Variants in RBFOX1 observed in about 807,000 individuals in gnomAD.
RBFOX1 encodes the protein RNA binding protein fox-1 homolog 1.
RBFOX1 carries 8 observed loss-of-function variants against 57.7 expected under a neutral mutation model. That is an observed-to-expected ratio of 0.14 (90% CI 0.08 to 0.25). The LOEUF (loss-of-function observed/expected upper bound fraction) is 0.25, where lower values mean the gene tolerates loss of function less well. Among genes scored for constraint, RBFOX1 ranks in the 10% least tolerant of loss-of-function variants. The probability of loss-of-function intolerance (pLI) is 1.00; values close to 1 mark genes in which losing one functional copy is unlikely to be tolerated. For missense variants in RBFOX1, 611 were observed against 548.5 expected, an observed-to-expected ratio of 1.11 and a Z score of -1.14; for synonymous variants, 326 against 222.4, an observed-to-expected ratio of 1.47 and a Z score of -4.15.
At chr16:5,663,727 G>A (rs934397920) in intron 3 of RBFOX1, among the ~76,000 whole-genome samples, 5 of 152,198 alleles carry the variant, frequency 3.3e-5, no homozygotes, top group African/African-American at 4.8e-5. Flanking sequence ...GCCAGTGAGC[G>A]TGGAAGCAAC....
At chr16:5,830,296 T>C (rs1052641367) in intron 3 of RBFOX1, among the ~76,000 whole-genome samples, 1 of 152,204 alleles carries the variant, frequency 6.6e-6, no homozygotes, top group Admixed American at 6.5e-5. Flanking sequence ...GGAATCATTT[T>C]AGCCCAGCAT....
At chr16:5,898,884 T>G (rs1207182887) in intron 4 of RBFOX1, among the ~76,000 whole-genome samples, 1 of 142,926 alleles carries the variant, frequency 7.0e-6, no homozygotes, top group African/African-American at 2.7e-5. Context: ...ACATAGTGAG[T>G]CTCCATCTCT....
chr16:7,392,654 A>G (rs909450644), intron 4 of RBFOX1, among the ~76,000 whole-genome samples: 3 of 152,182 alleles, frequency 2.0e-5, no homozygotes, highest in African/African-American at 7.2e-5. Flanking sequence ...TAAGCTGAGT[A>G]GGTGATAAAG....
chr16:6,298,506 C>T (rs191364476), intron 1 of RBFOX1, among the ~76,000 whole-genome samples: 1 of 152,206 alleles, frequency 6.6e-6, no homozygotes, highest in East Asian at 1.9e-4. Flanking sequence ...CAGAGAGTGA[C>T]TGCTGGTAAG....
intron 4 of RBFOX1, among the ~76,000 whole-genome samples, chr16:7,219,004 A>G (rs780980386): frequency 1.3e-5 from 2 of 152,134 alleles, no homozygotes; most frequent in African/African-American, 2.4e-5. Flanking sequence ...GCTGGTGGTC[A>G]CAAGAGAAGA....
At chr16:7,649,068 T>G (rs2064371160) in intron 11 of RBFOX1, among the ~76,000 whole-genome samples, 1 of 151,950 alleles carries the variant, frequency 6.6e-6, no homozygotes, top group Non-Finnish European at 1.5e-5. Context: ...AAAAAAGAAT[T>G]CGGGGCCAGT....
At chr16:7,366,723 C>T (rs1361294906) in intron 4 of RBFOX1, among the ~76,000 whole-genome samples, 2 of 151,808 alleles carry the variant, frequency 1.3e-5, no homozygotes, top group African/African-American at 4.8e-5. Context: ...TGCCAGAGAC[C>T]CAATTATGGC....
upstream of RBFOX1, among the ~76,000 whole-genome samples, chr16:6,018,917 G>A (rs2095018713): frequency 6.6e-6 from 1 of 151,978 alleles, no homozygotes; most frequent in Non-Finnish European, 1.5e-5. Context: ...AGGGTACCGG[G>A]TCGCGTGTCC....
chr16:7,697,359 T>A (rs1423552455), intron 14 of RBFOX1, among the ~76,000 whole-genome samples: 1 of 152,182 alleles, frequency 6.6e-6, no homozygotes, highest in Non-Finnish European at 1.5e-5. Flanking sequence ...TATCAGTTAA[T>A]TCCATGGAGC....
chr16:7,541,789 T>A (rs1479256730), intron 5 of RBFOX1, among the ~76,000 whole-genome samples: 2 of 152,232 alleles, frequency 1.3e-5, no homozygotes, highest in African/African-American at 4.8e-5. Flanking sequence ...GAGTCTCTGT[T>A]TCTTCCTCTG....
At chr16:7,351,769 T>C (rs1568361585) in intron 4 of RBFOX1, among the ~76,000 whole-genome samples, 1 of 152,156 alleles carries the variant, frequency 6.6e-6, no homozygotes, top group Non-Finnish European at 1.5e-5. Flanking sequence ...ACAAGGAATG[T>C]GCTTTTCCAG....
intron 9 of RBFOX1, among the ~76,000 whole-genome samples, chr16:7,602,931 G>A (rs1281192878): frequency 6.6e-6 from 1 of 152,072 alleles, no homozygotes; most frequent in Non-Finnish European, 1.5e-5. Context: ...AATAGCAAGA[G>A]GAACTTCAGA....
At chr16:7,564,489 C>G (rs1221063950) in intron 5 of RBFOX1, among the ~76,000 whole-genome samples, 1 of 133,580 alleles carries the variant, frequency 7.5e-6, no homozygotes, top group Non-Finnish European at 1.5e-5. Context: ...TGCACTCAGC[C>G]GAGATTGCAC....
intron 4 of RBFOX1, among the ~76,000 whole-genome samples, chr16:5,999,803 G>A (rs1207387654): frequency 7.0e-6 from 1 of 143,760 alleles, no homozygotes; most frequent in Non-Finnish European, 1.5e-5. Context: ...GGAGCTTGTG[G>A]TGAGCAGAGA....
Position 6,187,798 on chromosome 16 carries a change from G to T in RBFOX1, c.-126-129197G>T, listed in dbSNP as rs2097114719. On this transcript the variant is annotated intron_variant, in intron 1 of 15. Coordinates refer to ENST00000550418, the MANE Select transcript of RBFOX1 (RefSeq NM_018723.4). Reference sequence around the variant, plus strand: ...GCTAGGATAACATTAACAAACGTTTGCCAGACACCCAGAGCAAAGTCAGCT... The same window carrying T: ...GCTAGGATAACATTAACAAACGTTTTCCAGACACCCAGAGCAAAGTCAGCT... 4.6e-5 allele frequency among the ~76,000 whole-genome samples: 7 copies of T among 152,256 alleles called. 1 individual carries two copies. The South Asian group carries it at 1.5e-3, about 32-fold the overall frequency.
chr16:6,823,817 G>A (rs935761913), intron 3 of RBFOX1, among the ~76,000 whole-genome samples: 1 of 152,122 alleles, frequency 6.6e-6, no homozygotes, highest in African/African-American at 2.4e-5. Flanking sequence ...TACCTCTGGG[G>A]ACCTAGCCAG....
rs116925792 is a variant in RBFOX1, at chr16:5,287,889, A to G, written c.219+47784A>G. ...TGGCAGAGTCTTGGATGCAGGGAGG[A>G]CTTGGATCCATTAATGTACCTTAAT... On this transcript the variant is annotated intron_variant, in intron 1 of 2. Coordinates refer to the RBFOX1 transcript ENST00000585867. Among the ~76,000 whole-genome samples the G allele has an allele frequency of 7.9e-4, 120 of 152,284 alleles. 2 individuals carry two copies. The East Asian group carries it at 0.021, about 27-fold the overall frequency.
At chr16:6,802,084 T>C (rs554908796) in intron 3 of RBFOX1, among the ~76,000 whole-genome samples, 1 of 152,238 alleles carries the variant, frequency 6.6e-6, no homozygotes, top group East Asian at 1.9e-4. Context: ...GTAAAACTTG[T>C]TTAATCCTAA....
chr16:5,562,723 C>T (rs2045932540), intron 2 of RBFOX1, among the ~76,000 whole-genome samples: 1 of 152,018 alleles, frequency 6.6e-6, no homozygotes, highest in African/African-American at 2.4e-5. Flanking sequence ...CCTCTCTGTC[C>T]TATATTTTTG....
Sources: gnomAD v4.1 joint callset for allele counts (sites outside exome capture counted in the v4.1 genomes callset) on GRCh38, gnomAD v4.1.1 for gene constraint, MANE v1.5 for transcripts, NCBI Gene and HGNC (gene_info 2026-07-23, HGNC 2026-07-21) for gene names.